AIDA: variants seen among roughly 807,000 people sequenced by gnomAD.
AIDA encodes the protein axin interactor, dorsalization associated.
A neutral mutation model predicts 42.7 loss-of-function variants in AIDA; 18 were observed. The observed-to-expected ratio is 0.42, with a 90% CI of 0.29 to 0.63. The LOEUF (loss-of-function observed/expected upper bound fraction) is 0.63, where lower values mean the gene tolerates loss of function less well. AIDA is among the 20% of genes least tolerant of loss of function. The pLI is 0.19. For missense variants in AIDA, 250 were observed against 354.1 expected, an observed-to-expected ratio of 0.71 and a Z score of 2.36; for synonymous variants, 104 against 122.9, an observed-to-expected ratio of 0.85 and a Z score of 1.02.
chr1:222,690,821 G>A (rs1655350409), intron 4 of AIDA, among the ~76,000 whole-genome samples: 1 of 151,934 alleles, frequency 6.6e-6, no homozygotes, highest in African/African-American at 2.4e-5. Flanking sequence ...GAACTCTGAG[G>A]CTGGTGTCTA....
Position 222,668,052 on chromosome 1 carries a change from T to C in AIDA, c.*1841A>G, listed in dbSNP as rs1020615683. ...CTTTAATGTTGATGAAAGGTATTTGTAGTTCATATAAACTATACTTATGTG... is the reference window on the plus strand; with the variant it reads ...CTTTAATGTTGATGAAAGGTATTTGCAGTTCATATAAACTATACTTATGTG... On this transcript the variant is annotated 3_prime_UTR_variant, in exon 10 of 10. Coordinates refer to ENST00000340020, the MANE Select transcript of AIDA (RefSeq NM_022831.4). 1 of 152,238 alleles carries C rather than the reference T, an allele frequency of 6.6e-6. No individual in the cohort carries two copies. Among genetic ancestry groups the C allele is most frequent in the African/African-American group, 2.4e-5 (1 of 41,464 alleles). The allele number at this position is 152,238 out of a possible 1,614,324, so 9.4% of individuals were successfully genotyped here. A position where few individuals can be genotyped will look rare whatever the true frequency, so the allele number is the denominator to read the frequency against.
Position 222,670,144 on chromosome 1 carries a change from A to G in AIDA, c.813T>C (p.Ile271=), listed in dbSNP as rs1664419784. ...MEMDEIKPGP[I]VIELYKKPTD... ...TGCACATCACTTACAGTTCTATTAC[A>G]ATTGGCCCAGGTTTAATTTCATCCA... The change falls in exon 9 of 10, where the codon ATT becomes ATC. Residue 271 remains isoleucine (I), a synonymous_variant. Coordinates refer to ENST00000340020, the MANE Select transcript of AIDA (RefSeq NM_022831.4). 6.2e-7 allele frequency: 1 copy of G among 1,613,854 alleles called. No individual in the cohort carries two copies. The highest frequency in any genetic ancestry group is 2.2e-5 in the East Asian group (1 of 44,858).
intron 8 of AIDA, 61 bp downstream of exon 8, chr1:222,673,252 A>C: frequency 6.7e-7 from 1 of 1,495,738 alleles, no homozygotes. Flanking sequence ...CCATATGTAC[A>C]AACACAAATA....
intron 4 of AIDA, among the ~76,000 whole-genome samples, chr1:222,689,569 G>A (rs376688312): frequency 0.02 from 2,022 of 99,818 alleles, 34 homozygotes; most frequent in Non-Finnish European, 0.028. Context: ...GTATATATAT[G>A]TATATATATA....
intron 1 of AIDA, among the ~76,000 whole-genome samples, chr1:222,709,982 G>T (rs1248538084): frequency 6.6e-6 from 1 of 152,064 alleles, no homozygotes. Context: ...GTTGTATGGC[G>T]ATAAGATTGC....
At chr1:222,671,174 G>A (rs1228994600) in intron 8 of AIDA, among the ~76,000 whole-genome samples, 2 of 152,128 alleles carry the variant, frequency 1.3e-5, no homozygotes, top group Non-Finnish European at 1.5e-5. Flanking sequence ...GCTGCAGTGA[G>A]CCATGATCAT....
chr1:222,696,597 T>C (rs1184676848), intron 2 of AIDA, among the ~76,000 whole-genome samples: 1 of 152,208 alleles, frequency 6.6e-6, no homozygotes, highest in Non-Finnish European at 1.5e-5. Context: ...TCATACAAGA[T>C]TGGGAGCATT....
At chr1:222,698,695 C>A (rs1655589668) in intron 2 of AIDA, among the ~76,000 whole-genome samples, 1 of 152,040 alleles carries the variant, frequency 6.6e-6, no homozygotes, top group South Asian at 2.1e-4. Flanking sequence ...AGGTGATCCG[C>A]CCGCCTCAGC....
intron 6 of AIDA, among the ~76,000 whole-genome samples, chr1:222,685,401 A>G (rs1454532097): frequency 2.0e-5 from 3 of 152,224 alleles, no homozygotes; most frequent in African/African-American, 4.8e-5. Context: ...CCCAGACTCA[A>G]AAGCCCAGTT....
At chr1:222,697,305 A>G (rs1026022102) in intron 2 of AIDA, among the ~76,000 whole-genome samples, 3 of 143,688 alleles carry the variant, frequency 2.1e-5, no homozygotes, top group South Asian at 2.3e-4. Context: ...GGCATTATTC[A>G]TAACTATTTT....
chr1:222,675,718 T>C (rs1056141964), intron 7 of AIDA, among the ~76,000 whole-genome samples: 3 of 152,210 alleles, frequency 2.0e-5, no homozygotes, highest in African/African-American at 4.8e-5. Flanking sequence ...AACAGAACAC[T>C]GGGCTTTGCA....
rs576426199 is a variant in AIDA at position 222,708,081 on chromosome 1, G to A, written c.110+4127C>T. Among the ~76,000 whole-genome samples the A allele has an allele frequency of 2.6e-5, 4 of 152,196 alleles. No homozygotes were observed. In the South Asian group the frequency reaches 8.3e-4, roughly 32 times the overall value. ...CCCAGGACTTTGGGAGGCCAAGGCA[G>A]GCAGATCACTTGAGGTCAGGAGTTC... On this transcript the variant is annotated intron_variant, in intron 1 of 9. Transcript: ENST00000340020.
chr1:222,703,576 G>A (rs1358623900), intron 1 of AIDA, among the ~76,000 whole-genome samples: 1 of 152,094 alleles, frequency 6.6e-6, no homozygotes, highest in East Asian at 1.9e-4. Context: ...CACTTCCAGG[G>A]AGCACCAGTG....
In AIDA at chr1:222,687,502, A is replaced by G. The variant is rs559880466; in HGVS notation, c.353+93T>C. 1.5e-4 allele frequency: 162 copies of G among 1,098,904 alleles called. No individual in the cohort carries two copies. In the African/African-American group the frequency reaches 1.9e-3, roughly 13 times the overall value. 68.1% of individuals were successfully genotyped at this position (1,098,904 alleles called of 1,614,324 possible). A position where few individuals can be genotyped will look rare whatever the true frequency, so the allele number is the denominator to read the frequency against. On this transcript the variant is annotated intron_variant, in intron 5 of 9. Transcript: ENST00000340020. ...ATCATTGTTGATGTCAATGATATCA[A>G]TAATACCAAAGTTGATATTTAAGAA...
intron 5 of AIDA, 54 bp downstream of exon 5, chr1:222,687,541 C>T (rs1558210952): frequency 4.3e-6 from 6 of 1,399,126 alleles, no homozygotes; most frequent in Non-Finnish European, 5.8e-6. Context: ...CCAGAACTAT[C>T]TGAAAGAGAG....
chr1:222,672,969 C>A (rs1664475193), intron 8 of AIDA, among the ~76,000 whole-genome samples: 1 of 152,188 alleles, frequency 6.6e-6, no homozygotes, highest in South Asian at 2.1e-4. Context: ...TGGGAGAAAA[C>A]CCTGGTTCTT....
In AIDA at chr1:222,686,915, A is replaced by G. The variant is rs759520901; in HGVS notation, c.460+15T>C. On this transcript the variant is annotated intron_variant, in intron 6 of 9. Transcript: ENST00000340020. ...TGCAGTTAAATAATGTTTATTTTTAATAAGTGATACCTACCGGGAACTCTA... is the reference window on the plus strand; with the variant it reads ...TGCAGTTAAATAATGTTTATTTTTAGTAAGTGATACCTACCGGGAACTCTA... 12 of 1,609,126 alleles carry G rather than the reference A, an allele frequency of 7.5e-6. No individual in the cohort carries two copies. The highest frequency in any genetic ancestry group is 4.5e-5 in the East Asian group (2 of 44,852).
chr1:222,708,189 T>C (rs1467037976), intron 1 of AIDA, among the ~76,000 whole-genome samples: 1 of 151,548 alleles, frequency 6.6e-6, no homozygotes, highest in African/African-American at 2.4e-5. Context: ...CACGCGCCTG[T>C]AGTCCCAGCT....
intron 2 of AIDA, among the ~76,000 whole-genome samples, chr1:222,700,756 A>G (rs1463251204): frequency 7.2e-6 from 1 of 139,626 alleles, no homozygotes; most frequent in Non-Finnish European, 1.5e-5. Flanking sequence ...CTCCGTCTCA[A>G]AAAAAAAAAA....
Sources: allele counts gnomAD v4.1 joint callset (sites outside exome capture counted in the v4.1 genomes callset), GRCh38; gene constraint gnomAD v4.1.1; transcripts MANE v1.5; gene names NCBI Gene and HGNC (gene_info 2026-07-23, HGNC 2026-07-21).